The following FYN variants were observed in gnomAD, a reference collection of about 807,000 sequenced individuals.
The protein encoded by FYN is FYN proto-oncogene, Src family tyrosine kinase.
FYN carries 10 observed loss-of-function variants against 70.2 expected under a neutral mutation model. The ratio of observed to expected loss-of-function variants is 0.14; its 90% CI spans 0.09 to 0.24. The LOEUF is 0.24. FYN is among the 10% of genes least tolerant of loss of function. The probability of loss-of-function intolerance (pLI) is 1.00; values close to 1 mark genes in which losing one functional copy is unlikely to be tolerated. For missense variants in FYN, 319 were observed against 673.1 expected (o/e 0.47, Z 5.82); for synonymous variants, 236 against 248.6 (o/e 0.95, Z 0.48).
At chr6:111,739,811 T>C (rs1659835499) in intron 3 of FYN, among the ~76,000 whole-genome samples, 1 of 152,234 alleles carries the variant, frequency 6.6e-6, no homozygotes, top group Non-Finnish European at 1.5e-5. Flanking sequence ...AAGTTACTGA[T>C]ACTTGACAAT....
chr6:111,725,406 G>A (rs1228725147), intron 3 of FYN, among the ~76,000 whole-genome samples: 3 of 152,158 alleles, frequency 2.0e-5, no homozygotes, highest in African/African-American at 7.2e-5. Context: ...GTAGCATACT[G>A]CATCAGATGA....
At chr6:111,673,618 C>CGTTTTTTT (rs1798394796) in intron 13 of FYN, among the ~76,000 whole-genome samples, 1 of 62,294 alleles carries the variant, frequency 1.6e-5, no homozygotes, top group East Asian at 8.0e-4. Flanking sequence ...TCGTTTCTAT[C>CGTTTTTTT]ATTGTTTTTT....
chr6:111,870,089 CT>C (rs1287515002), intron 1 of FYN, among the ~76,000 whole-genome samples: 1 of 152,164 alleles, frequency 6.6e-6, no homozygotes, highest in Non-Finnish European at 1.5e-5. Flanking sequence ...TATTCTGTAT[CT>C]TTTTTCTGAG....
At chr6:111,795,664 G>A (rs1010220117) in intron 2 of FYN, among the ~76,000 whole-genome samples, 27 of 152,256 alleles carry the variant, frequency 1.8e-4, no homozygotes, top group African/African-American at 6.5e-4. Context: ...AGAAACAGAA[G>A]GGTGTTCTAA....
In FYN at chr6:111,695,128, CA is replaced by C. The variant is rs574319649; in HGVS notation, c.1043-425del. Among the ~76,000 whole-genome samples the C allele has an allele frequency of 1.4e-4, 22 of 152,318 alleles. No homozygotes were observed. In the East Asian group the frequency reaches 4.1e-3, roughly 28 times the overall value. ...CCTGGGACCAGCAGCTACAATAACACAAGGGAACTTGTTAGATATGCAAATT... is the reference window on the plus strand; with the variant it reads ...CCTGGGACCAGCAGCTACAATAACACAGGGAACTTGTTAGATATGCAAATT... On this transcript the variant is annotated intron_variant, in intron 10 of 13. Transcript: ENST00000354650.
intron 3 of FYN, among the ~76,000 whole-genome samples, chr6:111,727,741 T>G (rs948043869): frequency 6.6e-6 from 1 of 152,296 alleles, no homozygotes; most frequent in African/African-American, 2.4e-5. Context: ...CAACCTTCTC[T>G]CATACCGCAC....
intron 2 of FYN, among the ~76,000 whole-genome samples, chr6:111,781,301 C>T (rs1043686206): frequency 2.6e-5 from 4 of 152,146 alleles, no homozygotes; most frequent in Admixed American, 6.5e-5. Context: ...AGTCCAGCCC[C>T]GCAAGAATTT....
At chr6:111,747,094 G>A (rs1415779536) in intron 3 of FYN, among the ~76,000 whole-genome samples, 1 of 152,142 alleles carries the variant, frequency 6.6e-6, no homozygotes, top group African/African-American at 2.4e-5. Flanking sequence ...ATTCTACATT[G>A]TTTTTCCCTG....
At chr6:111,868,292 C>T (rs1288086366) in intron 1 of FYN, among the ~76,000 whole-genome samples, 2 of 152,106 alleles carry the variant, frequency 1.3e-5, no homozygotes, top group Non-Finnish European at 2.9e-5. Context: ...CTTGAACCAT[C>T]GAATTAATTG....
At chr6:111,842,911 C>T (rs1029790389) in intron 2 of FYN, among the ~76,000 whole-genome samples, 10 of 152,228 alleles carry the variant, frequency 6.6e-5, no homozygotes, top group African/African-American at 2.4e-4. Flanking sequence ...CAGACCAACA[C>T]ATTTCAAAGA....
intron 5 of FYN, among the ~76,000 whole-genome samples, chr6:111,711,780 T>C (rs2128454927): frequency 6.6e-6 from 1 of 152,370 alleles, no homozygotes; most frequent in East Asian, 1.9e-4. Context: ...ATTATTGCTT[T>C]GTTTTTCCTT....
intron 1 of FYN, among the ~76,000 whole-genome samples, chr6:111,850,241 A>G (rs1359652491): frequency 6.6e-6 from 1 of 152,254 alleles, no homozygotes. Context: ...TATCTTAAAA[A>G]TGGAAGATTG....
At position 111,844,028 on chromosome 6, in the gene FYN, G is replaced by A. The variant is rs539336443; in HGVS notation, c.-82+2561C>T. Among the ~76,000 whole-genome samples, 23 of 152,282 alleles carry A rather than the reference G, an allele frequency of 1.5e-4. 1 individual carries two copies. Among genetic ancestry groups the A allele is most frequent in the Admixed American group, 1.2e-3 (18 of 15,304 alleles). On this transcript the variant is annotated intron_variant, in intron 2 of 13. Coordinates refer to ENST00000354650, the MANE Select transcript of FYN (RefSeq NM_002037.5). ...AACTCCAAAGTAAGGTGGGGTATGG[G>A]AAGGGGAAAGCTCTGAGCCCAGACA... is the stretch of plus-strand genomic sequence containing the variant.
intron 2 of FYN, among the ~76,000 whole-genome samples, chr6:111,787,126 A>G (rs1036908686): frequency 6.6e-6 from 1 of 152,216 alleles, no homozygotes; most frequent in Non-Finnish European, 1.5e-5. Flanking sequence ...TGTTTTAGAC[A>G]TGAAGTCCTC....
At chr6:111,770,686 T>C (rs541769232) in intron 3 of FYN, among the ~76,000 whole-genome samples, 3 of 152,250 alleles carry the variant, frequency 2.0e-5, no homozygotes, top group African/African-American at 7.2e-5. Flanking sequence ...TCAAGTAGCA[T>C]AGTGCTGGCA....
chr6:111,704,879 G>A (rs1219730251), intron 6 of FYN, among the ~76,000 whole-genome samples: 1 of 151,740 alleles, frequency 6.6e-6, no homozygotes, highest in Admixed American at 6.6e-5. Context: ...TGGCTATCAT[G>A]GTGAAACCCC....
intron 5 of FYN, among the ~76,000 whole-genome samples, chr6:111,709,744 T>C (rs1477621162): frequency 1.3e-5 from 2 of 152,212 alleles, no homozygotes; most frequent in African/African-American, 4.8e-5. Flanking sequence ...AGGTACAGTA[T>C]ATATGAACCC....
chr6:111,669,710 A>T (rs1307701146), intron 13 of FYN, among the ~76,000 whole-genome samples: 1 of 152,114 alleles, frequency 6.6e-6, no homozygotes, highest in Non-Finnish European at 1.5e-5. Context: ...GGCTAAATTT[A>T]AAAACCTTGT....
chr6:111,704,276 T>C (rs1388302490), intron 6 of FYN, among the ~76,000 whole-genome samples, 174 bp from the exon 7 acceptor site: 2 of 152,214 alleles, frequency 1.3e-5, no homozygotes, highest in Non-Finnish European at 2.9e-5. Flanking sequence ...TATCCTGGAT[T>C]CTATCCCTAA....
Sources: allele counts gnomAD v4.1 joint callset (sites outside exome capture counted in the v4.1 genomes callset), GRCh38; gene constraint gnomAD v4.1.1; transcripts MANE v1.5; gene names NCBI Gene and HGNC (gene_info 2026-07-23, HGNC 2026-07-21).